The following ARHGEF3 variants were observed in gnomAD, a reference collection of about 807,000 sequenced individuals.
ARHGEF3 encodes the protein Rho guanine nucleotide exchange factor 3.
Under a neutral mutation model 63.2 loss-of-function variants are expected in ARHGEF3, and 28 were observed. That is an observed-to-expected ratio of 0.44 (90% CI 0.33 to 0.61). ARHGEF3 has a LOEUF of 0.61. Among genes scored for constraint, ARHGEF3 ranks in the 20% least tolerant of loss-of-function variants. ARHGEF3 has a pLI of 0.03. For synonymous variants in ARHGEF3, 266 were observed against 254.2 expected (o/e 1.05, Z -0.44); for missense variants, 533 against 659.3 (o/e 0.81, Z 2.10).
intron 4 of ARHGEF3, among the ~76,000 whole-genome samples, chr3:56,873,296 G>A (rs2040490144): frequency 6.6e-6 from 1 of 151,734 alleles, no homozygotes; most frequent in African/African-American, 2.4e-5. Context: ...GTGTCATGGG[G>A]GTTTGTTGTA....
intron 1 of ARHGEF3, among the ~76,000 whole-genome samples, chr3:56,782,344 AC>A (rs1473238872): frequency 6.6e-6 from 1 of 152,134 alleles, no homozygotes; most frequent in African/African-American, 2.4e-5. Context: ...AGGTCTTCAA[AC>A]TCAGAACTAT....
At chr3:56,848,439 T>C (rs1578667276) in intron 4 of ARHGEF3, among the ~76,000 whole-genome samples, 2 of 152,286 alleles carry the variant, frequency 1.3e-5, no homozygotes, top group Non-Finnish European at 1.5e-5. Context: ...ATGGCTATAA[T>C]ACCCTCTCCC....
chr3:57,036,808 G>A lies in ARHGEF3; in HGVS notation c.-27-1632C>T, dbSNP rs533819416. Among the ~76,000 whole-genome samples the A allele has an allele frequency of 3.2e-4, 49 of 152,292 alleles. 1 individual carries two copies. The highest frequency in any genetic ancestry group is 9.6e-4 in the African/African-American group (40 of 41,568). ...AGTGCTGGCTGAATGGTCCAGCACCGTTGCATCCACTACTTTGATTACTGA... is the reference window on the plus strand; with the variant it reads ...AGTGCTGGCTGAATGGTCCAGCACCATTGCATCCACTACTTTGATTACTGA... On this transcript the variant is annotated intron_variant, in intron 1 of 12. Coordinates refer to the ARHGEF3 transcript ENST00000338458.
rs377121002 is a variant in ARHGEF3, at chr3:56,730,448, G to A, written c.1229-826C>T. ...TCTGGAGTGCAGTGACACAATCTCC[G>A]CTCACTGCAACCTCTGCCTCCTGGG... is the stretch of plus-strand genomic sequence containing the variant. On this transcript the variant is annotated intron_variant, in intron 9 of 9. Coordinates refer to ENST00000296315, the MANE Select transcript of ARHGEF3 (RefSeq NM_019555.3). Among the ~76,000 whole-genome samples, 16 of 142,944 alleles carry A rather than the reference G, an allele frequency of 1.1e-4. 1 individual carries two copies. The highest frequency in any genetic ancestry group is 8.6e-4 in the South Asian group (4 of 4,630). The allele number at this position is 142,944 out of a possible 152,430, so 93.8% of individuals were successfully genotyped here.
At chr3:56,818,253 C>T (rs1019466244) in intron 4 of ARHGEF3, among the ~76,000 whole-genome samples, 1 of 152,094 alleles carries the variant, frequency 6.6e-6, no homozygotes, top group African/African-American at 2.4e-5. Context: ...TGAAATTCTC[C>T]TGAAAATTCT....
chr3:57,038,206 C>T (rs567477266), intron 1 of ARHGEF3, among the ~76,000 whole-genome samples: 1 of 152,272 alleles, frequency 6.6e-6, no homozygotes, highest in African/African-American at 2.4e-5. Flanking sequence ...ATGACATGCA[C>T]AGGAAAGCTC....
chr3:57,077,711 G>C (rs2107435187), intron 1 of ARHGEF3, among the ~76,000 whole-genome samples: 1 of 152,204 alleles, frequency 6.6e-6, no homozygotes, highest in Middle Eastern at 3.4e-3. Flanking sequence ...AGAATCAAGT[G>C]AAATCTACCC....
At chr3:56,875,712 C>T (rs752665621) in intron 4 of ARHGEF3, among the ~76,000 whole-genome samples, 3 of 152,162 alleles carry the variant, frequency 2.0e-5, no homozygotes, top group Non-Finnish European at 4.4e-5. Flanking sequence ...TTTATCTGTC[C>T]CTTTCTTTCA....
intron 3 of ARHGEF3, among the ~76,000 whole-genome samples, chr3:56,928,675 G>A (rs1019005431): frequency 2.0e-5 from 3 of 152,138 alleles, no homozygotes; most frequent in African/African-American, 7.2e-5. Context: ...CATATTAGAT[G>A]AACTGAGACA....
At chr3:56,869,335 A>T (rs1373228833) in intron 4 of ARHGEF3, among the ~76,000 whole-genome samples, 1 of 152,252 alleles carries the variant, frequency 6.6e-6, no homozygotes, top group Non-Finnish European at 1.5e-5. Context: ...AATATCAGTC[A>T]TGAATGTTAT....
At chr3:57,055,676 C>T (rs1704897316) in intron 1 of ARHGEF3, among the ~76,000 whole-genome samples, 1 of 152,064 alleles carries the variant, frequency 6.6e-6, no homozygotes, top group Non-Finnish European at 1.5e-5. Context: ...ACAAACCAGG[C>T]ACACAAAAAG....
intron 6 of ARHGEF3, 138 bp downstream of exon 6, chr3:56,750,918 T>C (rs2034700810): frequency 3.6e-6 from 2 of 550,612 alleles, no homozygotes; most frequent in Non-Finnish European, 5.8e-6. Context: ...ATTAAAATTT[T>C]ACTAGGATTT....
chr3:56,920,606 C>T (rs913548979), intron 3 of ARHGEF3, among the ~76,000 whole-genome samples: 1 of 152,170 alleles, frequency 6.6e-6, no homozygotes, highest in Non-Finnish European at 1.5e-5. Flanking sequence ...TATCCTGGTT[C>T]CTTAATGTCT....
intron 3 of ARHGEF3, among the ~76,000 whole-genome samples, chr3:56,908,613 T>C (rs768366382): frequency 9.9e-5 from 15 of 152,156 alleles, no homozygotes; most frequent in East Asian, 7.7e-4. Context: ...ATAAAACTGA[T>C]ACATCAGAAT....
intron 3 of ARHGEF3, among the ~76,000 whole-genome samples, chr3:56,902,495 C>G (rs939106303): frequency 1.3e-5 from 2 of 152,218 alleles, no homozygotes; most frequent in Non-Finnish European, 2.9e-5. Flanking sequence ...AACTGTACCC[C>G]TCTCCCTACA....
intron 2 of ARHGEF3, among the ~76,000 whole-genome samples, chr3:56,981,715 G>A (rs1701334654): frequency 6.6e-6 from 1 of 152,168 alleles, no homozygotes; most frequent in African/African-American, 2.4e-5. Context: ...CTAAGACCTG[G>A]CCAAGCTCAC....
At chr3:56,756,350 A>G (rs949176837) in intron 2 of ARHGEF3, among the ~76,000 whole-genome samples, 4 of 152,100 alleles carry the variant, frequency 2.6e-5, no homozygotes, top group Non-Finnish European at 5.9e-5. Flanking sequence ...TCATCTTGGC[A>G]CAGGAAGTCT....
intron 1 of ARHGEF3, among the ~76,000 whole-genome samples, chr3:57,062,907 T>C (rs937850731): frequency 5.9e-5 from 9 of 152,148 alleles, no homozygotes; most frequent in East Asian, 1.9e-4. Context: ...GGGAACACAA[T>C]AGAAGAAAAA....
At chr3:56,751,843 T>C (rs1453998182) in intron 4 of ARHGEF3, among the ~76,000 whole-genome samples, 4 of 152,164 alleles carry the variant, frequency 2.6e-5, no homozygotes, top group Non-Finnish European at 5.9e-5. Flanking sequence ...TACTACTGAT[T>C]TGAACAAAGA....
Sources: gnomAD v4.1 joint callset for allele counts (sites outside exome capture counted in the v4.1 genomes callset) on GRCh38, gnomAD v4.1.1 for gene constraint, MANE v1.5 for transcripts, NCBI Gene and HGNC (gene_info 2026-07-23, HGNC 2026-07-21) for gene names.